RBMS1: variants seen among roughly 807,000 people sequenced by gnomAD.
RBMS1 encodes RNA-binding motif, single-stranded-interacting protein 1.
Under a neutral mutation model 62.3 loss-of-function variants are expected in RBMS1, and 17 were observed. That is an observed-to-expected ratio of 0.27 (90% confidence interval 0.19 to 0.41). The LOEUF (loss-of-function observed/expected upper bound fraction) is 0.41, where lower values mean the gene tolerates loss of function less well. Ranked by LOEUF, RBMS1 falls within the 10% of genes least tolerant of loss-of-function variation. The pLI is 1.00. For synonymous variants in RBMS1, 172 were observed against 170.0 expected, an observed-to-expected ratio of 1.01 and a Z score of -0.09; for missense variants, 334 against 504.5, an observed-to-expected ratio of 0.66 and a Z score of 3.24.
intron 2 of RBMS1, among the ~76,000 whole-genome samples, chr2:160,346,340 C>T (rs1559417833): frequency 6.6e-6 from 1 of 152,172 alleles, no homozygotes; most frequent in Non-Finnish European, 1.5e-5. Context: ...CCTGGTGCTG[C>T]ATGGGGCCCT....
chr2:160,446,498 T>C (rs1260654751), intron 1 of RBMS1, among the ~76,000 whole-genome samples: 6 of 152,132 alleles, frequency 3.9e-5, no homozygotes, highest in Non-Finnish European at 7.4e-5. Flanking sequence ...AAGGTAGAGA[T>C]TATGGTCTTT....
chr2:160,291,649 G>A (rs1042666707), intron 6 of RBMS1, among the ~76,000 whole-genome samples: 1 of 152,066 alleles, frequency 6.6e-6, no homozygotes, highest in African/African-American at 2.4e-5. Context: ...CTTAGGTAGT[G>A]TTTCTATCTC....
At position 160,350,135 on chromosome 2, in the gene RBMS1, A is replaced by C. The variant is rs147180975; in HGVS notation, c.251+17081T>G. Among the ~76,000 whole-genome samples, 641 of 152,154 alleles carry C rather than the reference A, an allele frequency of 4.2e-3. 4 individuals carry two copies. Among genetic ancestry groups the C allele is most frequent in the African/African-American group, 0.014 (600 of 41,528 alleles). On this transcript the variant is annotated intron_variant, in intron 2 of 13. Coordinates refer to ENST00000348849, the MANE Select transcript of RBMS1 (RefSeq NM_016836.4). ...CAGAGAAGTTATGGGGAGAGGAGGCAGAAAATATAAGGTCTTGTAGCCATC... is the reference window on the plus strand; with the variant it reads ...CAGAGAAGTTATGGGGAGAGGAGGCCGAAAATATAAGGTCTTGTAGCCATC...
At chr2:160,493,209 G>GC (rs1685929210) in intron 1 of RBMS1, 80 bp downstream of exon 1, 1 of 1,347,190 alleles carries the variant, frequency 7.4e-7, no homozygotes, top group Non-Finnish European at 1.0e-6. Context: ...TTCGCCGCGC[G>GC]CCCCCCTCCC....
intron 1 of RBMS1, among the ~76,000 whole-genome samples, chr2:160,448,847 A>G (rs1410479094): frequency 6.6e-6 from 1 of 151,198 alleles, no homozygotes; most frequent in Admixed American, 6.6e-5. Context: ...CTAGGAAGTG[A>G]GGAGCGTCTC....
At chr2:160,351,636 G>A (rs190793083) in intron 2 of RBMS1, among the ~76,000 whole-genome samples, 2 of 152,222 alleles carry the variant, frequency 1.3e-5, no homozygotes, top group African/African-American at 4.8e-5. Context: ...ATGATTTTGA[G>A]TATTTGCTGA....
At chr2:160,378,783 G>A (rs749077666) in intron 1 of RBMS1, among the ~76,000 whole-genome samples, 4 of 152,120 alleles carry the variant, frequency 2.6e-5, no homozygotes, top group Non-Finnish European at 4.4e-5. Context: ...CTCAAAACAA[G>A]TTACTTCATA....
chr2:160,297,823 G>A (rs979708170), intron 6 of RBMS1, among the ~76,000 whole-genome samples: 1 of 152,244 alleles, frequency 6.6e-6, no homozygotes, highest in Non-Finnish European at 1.5e-5. Flanking sequence ...AATGTTGGAG[G>A]AGGATAAGCA....
chr2:160,324,882 G>GTATGTATATATATATATATA (rs1690808529), intron 2 of RBMS1, among the ~76,000 whole-genome samples: 1 of 100,016 alleles, frequency 1.0e-5, no homozygotes, highest in African/African-American at 4.2e-5. Context: ...GTGTGTGTGT[G>GTATGTATATATATATATATA]TATATATATA....
chr2:160,458,871 G>A (rs1648916713), intron 1 of RBMS1, among the ~76,000 whole-genome samples: 2 of 151,996 alleles, frequency 1.3e-5, no homozygotes, highest in African/African-American at 4.8e-5. Flanking sequence ...GCACAGTTAT[G>A]GAGAAATGGC....
chr2:160,407,869 G>A (rs1360019274), intron 1 of RBMS1: 10 of 981,216 alleles, frequency 1.0e-5, no homozygotes, highest in African/African-American at 7.0e-5. Context: ...CAGCGCCGCC[G>A]CGTCCCCACC....
At chr2:160,318,369 C>T in intron 2 of RBMS1, 142 bp from the exon 3 acceptor site, 1 of 1,251,290 alleles carries the variant, frequency 8.0e-7, no homozygotes, top group Non-Finnish European at 1.1e-6. Flanking sequence ...ATTTTCTTTA[C>T]TAAGAGACAG....
At chr2:160,437,363 C>A (rs1197056579) in intron 1 of RBMS1, among the ~76,000 whole-genome samples, 1 of 152,160 alleles carries the variant, frequency 6.6e-6, no homozygotes, top group Non-Finnish European at 1.5e-5. Context: ...GCACAATTAG[C>A]AAGAATAGTA....
At chr2:160,450,039 T>G (rs1043189086) in intron 1 of RBMS1, among the ~76,000 whole-genome samples, 1 of 152,030 alleles carries the variant, frequency 6.6e-6, no homozygotes, top group African/African-American at 2.4e-5. Flanking sequence ...CAGATTCCTT[T>G]CTCACCCCCT....
At chr2:160,340,516 AAAC>A (rs1691812160) in intron 2 of RBMS1, among the ~76,000 whole-genome samples, 1 of 152,158 alleles carries the variant, frequency 6.6e-6, no homozygotes, top group Admixed American at 6.5e-5. Flanking sequence ...GACCCTAAGG[AAAC>A]AACAATAGAA....
At chr2:160,291,998 A>G (rs1216414497) in intron 6 of RBMS1, among the ~76,000 whole-genome samples, 1 of 152,134 alleles carries the variant, frequency 6.6e-6, no homozygotes, top group Non-Finnish European at 1.5e-5. Context: ...TCTACCATTT[A>G]TGTTGTGGGT....
At chr2:160,295,880 G>A (rs1469334228) in intron 6 of RBMS1, among the ~76,000 whole-genome samples, 1 of 152,228 alleles carries the variant, frequency 6.6e-6, no homozygotes, top group Non-Finnish European at 1.5e-5. Flanking sequence ...AAACAAAAGT[G>A]TCCTAGATGT....
intron 10 of RBMS1, chr2:160,279,357 AG>A (rs576193248): frequency 2.6e-5 from 4 of 151,582 alleles, no homozygotes; most frequent in African/African-American, 9.7e-5. Flanking sequence ...GGAAAATAGG[AG>A]GGAAAAAAAA....
At chr2:160,406,903 T>C (rs1203094372) in intron 1 of RBMS1, among the ~76,000 whole-genome samples, 1 of 152,194 alleles carries the variant, frequency 6.6e-6, no homozygotes, top group Non-Finnish European at 1.5e-5. Flanking sequence ...GCAACTAGGA[T>C]GTCACAGGAT....
Sources: allele counts gnomAD v4.1 joint callset (sites outside exome capture counted in the v4.1 genomes callset), GRCh38; gene constraint gnomAD v4.1.1; transcripts MANE v1.5; gene names NCBI Gene and HGNC (gene_info 2026-07-23, HGNC 2026-07-21).